GRIK1: variants seen among roughly 807,000 people sequenced by gnomAD.
GRIK1 encodes the protein glutamate receptor ionotropic, kainate 1.
In GRIK1, 69 loss-of-function variants were observed where a neutral mutation model predicts 105.7. The ratio of observed to expected loss-of-function variants is 0.65; its 90% CI spans 0.54 to 0.80. The LOEUF (loss-of-function observed/expected upper bound fraction) is 0.80, where lower values mean the gene tolerates loss of function less well. Ranked by LOEUF, GRIK1 falls within the 30% of genes least tolerant of loss-of-function variation. The pLI is 0.00. For synonymous variants in GRIK1, 438 were observed against 431.3 expected (o/e 1.02, Z -0.19); for missense variants, 1,109 against 1,167.3 (o/e 0.95, Z 0.73).
chr21:29,930,753 G>A (rs555754390), intron 1 of GRIK1, among the ~76,000 whole-genome samples: 8 of 152,316 alleles, frequency 5.3e-5, no homozygotes, highest in East Asian at 1.9e-4. Flanking sequence ...TAAAGAAGAC[G>A]TATGACCATC....
At chr21:29,786,290 G>C (rs2145801635) in intron 1 of GRIK1, among the ~76,000 whole-genome samples, 1 of 152,222 alleles carries the variant, frequency 6.6e-6, no homozygotes, top group African/African-American at 2.4e-5. Context: ...CCCAGCCTCA[G>C]TGTATCTTAC....
At chr21:29,655,220 C>T (rs2062825568) in intron 4 of GRIK1, among the ~76,000 whole-genome samples, 1 of 152,178 alleles carries the variant, frequency 6.6e-6, no homozygotes, top group South Asian at 2.1e-4. Flanking sequence ...ACCAGCCTGA[C>T]CATCATAGAG....
intron 1 of GRIK1, among the ~76,000 whole-genome samples, chr21:29,851,730 A>G (rs1456797984): frequency 2.0e-5 from 3 of 151,302 alleles, no homozygotes; most frequent in African/African-American, 7.3e-5. Context: ...CATGGCCTCA[A>G]CTCTCTTAGC....
At chr21:29,866,763 A>C (rs1271595989) in intron 1 of GRIK1, among the ~76,000 whole-genome samples, 2 of 152,256 alleles carry the variant, frequency 1.3e-5, no homozygotes, top group Non-Finnish European at 2.9e-5. Flanking sequence ...GATGTTTTGA[A>C]GTGTTATTCT....
intron 1 of GRIK1, among the ~76,000 whole-genome samples, chr21:29,718,373 C>CA (rs972438105): frequency 8.6e-5 from 13 of 151,472 alleles, no homozygotes; most frequent in African/African-American, 2.4e-4. Context: ...ATCCACTTAC[C>CA]AAAAAAAATG....
At position 29,688,948 on chromosome 21, in the gene GRIK1, T is replaced by C. The variant is rs144469689; in HGVS notation, c.544+780A>G. Among the ~76,000 whole-genome samples, 9 of 152,298 alleles carry C rather than the reference T, an allele frequency of 5.9e-5. No individual in the cohort carries two copies. The East Asian group carries it at 1.7e-3, about 29-fold the overall frequency. ...GAGTACAGGCAGTGAGGGAAGCTAG[T>C]GCCTGAGTTAATGAAAATGAAAATG... On this transcript the variant is annotated intron_variant, in intron 3 of 17. Transcript: ENST00000327783.
chr21:29,913,338 C>T (rs1204909756), intron 1 of GRIK1, among the ~76,000 whole-genome samples: 2 of 152,042 alleles, frequency 1.3e-5, no homozygotes, highest in Non-Finnish European at 2.9e-5. Context: ...AAGCACTTGA[C>T]ACATGTTAAA....
intron 1 of GRIK1, among the ~76,000 whole-genome samples, chr21:29,745,871 A>G (rs2065035627): frequency 6.6e-6 from 1 of 152,198 alleles, no homozygotes; most frequent in Admixed American, 6.5e-5. Flanking sequence ...TGGGAGGCCA[A>G]GGCGGGGGGA....
chr21:29,930,689 C>A (rs1160270556), intron 1 of GRIK1, among the ~76,000 whole-genome samples: 1 of 152,134 alleles, frequency 6.6e-6, no homozygotes, highest in Non-Finnish European at 1.5e-5. Context: ...GACCAAGATG[C>A]TAATGGATAG....
chr21:29,654,423 G>A (rs1245450777), intron 5 of GRIK1, among the ~76,000 whole-genome samples: 2 of 152,118 alleles, frequency 1.3e-5, no homozygotes, highest in South Asian at 2.1e-4. Flanking sequence ...ACTGGACACA[G>A]GCAGCAAAGC....
At chr21:29,556,716 A>G (rs556457464) in intron 15 of GRIK1, among the ~76,000 whole-genome samples, 7 of 152,330 alleles carry the variant, frequency 4.6e-5, no homozygotes, top group African/African-American at 1.7e-4. Context: ...CAAGAAGGAA[A>G]GGATTTCAAG....
chr21:29,679,266 G>T (rs2268208), intron 3 of GRIK1, among the ~76,000 whole-genome samples: 4,320 of 152,188 alleles, frequency 0.028, 171 homozygotes, highest in East Asian at 0.15. Flanking sequence ...GACTATATTT[G>T]ATGTGATGAC....
At chr21:29,770,810 C>A (rs1302362915) in intron 1 of GRIK1, among the ~76,000 whole-genome samples, 1 of 152,116 alleles carries the variant, frequency 6.6e-6, no homozygotes, top group Non-Finnish European at 1.5e-5. Context: ...ATGAGAAATT[C>A]ATAGAGGCAA....
chr21:29,754,852 A>T (rs1469918384), intron 1 of GRIK1, among the ~76,000 whole-genome samples: 2 of 152,104 alleles, frequency 1.3e-5, no homozygotes, highest in Non-Finnish European at 2.9e-5. Flanking sequence ...TCAGCCTGGG[A>T]GTCTCCATTC....
intron 1 of GRIK1, among the ~76,000 whole-genome samples, chr21:29,707,986 A>G (rs528455170): frequency 1.3e-5 from 2 of 152,258 alleles, no homozygotes; most frequent in South Asian, 4.1e-4. Flanking sequence ...TCGTGTTTTT[A>G]CTTGGAGAGA....
chr21:29,642,483 T>A (rs1043345958), intron 7 of GRIK1, among the ~76,000 whole-genome samples: 6 of 152,216 alleles, frequency 3.9e-5, no homozygotes, highest in Non-Finnish European at 5.9e-5. Context: ...CCTTCAGTAA[T>A]GGATCAACTC....
At chr21:29,690,806 G>T (rs1456944068) in intron 2 of GRIK1, among the ~76,000 whole-genome samples, 1 of 152,024 alleles carries the variant, frequency 6.6e-6, no homozygotes, top group Admixed American at 6.6e-5. Flanking sequence ...TTAAAATTAG[G>T]GATAAAAAGG....
At chr21:29,849,497 C>A (rs2068237895) in intron 1 of GRIK1, among the ~76,000 whole-genome samples, 1 of 152,144 alleles carries the variant, frequency 6.6e-6, no homozygotes. Context: ...TACTTTGTTT[C>A]CTGCGCCCAT....
At chr21:29,654,647 A>AAAAG (rs10637196) in intron 5 of GRIK1, among the ~76,000 whole-genome samples, 163 bp downstream of exon 5, 72,924 of 148,798 alleles carry the variant, frequency 0.49, 20,250 homozygotes, top group African/African-American at 0.79. Context: ...AAGAAAGAAA[A>AAAAG]AAAGCCTGCT....
Sources: gnomAD v4.1 joint callset for allele counts (sites outside exome capture counted in the v4.1 genomes callset) on GRCh38, gnomAD v4.1.1 for gene constraint, MANE v1.5 for transcripts, NCBI Gene and HGNC (gene_info 2026-07-23, HGNC 2026-07-21) for gene names.